Variants in CELF2 observed in about 807,000 individuals in gnomAD.
The protein encoded by CELF2 is CUG triplet repeat RNA-binding protein 2.
In CELF2, 8 loss-of-function variants were observed where a neutral mutation model predicts 62.6. The observed-to-expected ratio is 0.13, with a 90% CI of 0.07 to 0.23. The LOEUF (loss-of-function observed/expected upper bound fraction) is 0.23, where lower values mean the gene tolerates loss of function less well. Ranked by LOEUF, CELF2 falls within the 10% of genes least tolerant of loss-of-function variation. The pLI, the probability that CELF2 is intolerant of heterozygous loss-of-function variation, is 1.00. For missense variants in CELF2, 333 were observed against 671.0 expected (o/e 0.50, Z 5.56); for synonymous variants, 258 against 250.0 (o/e 1.03, Z -0.30).
chr10:10,558,031 T>C, the CELF2 span, among the ~76,000 whole-genome samples: 2 of 145,718 alleles, frequency 1.4e-5, no homozygotes, highest in Admixed American at 6.9e-5. Flanking sequence ...TTTATTTCCT[T>C]CTCCTGCCTA....
intron 2 of CELF2, among the ~76,000 whole-genome samples, chr10:11,204,911 G>T (rs190131635): frequency 2.0e-4 from 30 of 152,150 alleles, no homozygotes; most frequent in Non-Finnish European, 1.5e-4. Context: ...GGTTAAACTC[G>T]TATAGTAGTG....
intron 1 of CELF2, among the ~76,000 whole-genome samples, chr10:10,848,469 C>T (rs373544515): frequency 3.3e-5 from 5 of 152,096 alleles, no homozygotes; most frequent in Admixed American, 2.0e-4. Context: ...ACCAGAAGAC[C>T]GCTTCTTGGG....
Position 11,290,407 on chromosome 10 carries a change from C to T in CELF2, c.976+1855C>T, listed in dbSNP as rs1234182120. Among the ~76,000 whole-genome samples the T allele has an allele frequency of 1.3e-5, 2 of 151,902 alleles. No homozygotes were observed. Among genetic ancestry groups the T allele is most frequent in the Non-Finnish European group, 1.5e-5 (1 of 67,988 alleles). ...GCGGAGTGGGGGCTCTGTGGTGGAC[C>T]GCGTCCGTTCCAGCCCACGTTGGGA... On this transcript the variant is annotated intron_variant, in intron 9 of 12. Coordinates refer to ENST00000633077, the MANE Select transcript of CELF2 (RefSeq NM_001326342.2). This position sits in a 1 kb window ranked among gnomAD's most constrained non-coding sequence, Gnocchi z 4.3.
At chr10:10,686,105 G>T in the CELF2 span, among the ~76,000 whole-genome samples, 1 of 152,086 alleles carries the variant, frequency 6.6e-6, no homozygotes, top group East Asian at 1.9e-4. Context: ...CAACACGGTG[G>T]TAATAACGTG....
chr10:11,099,818 T>C (rs987219465), intron 1 of CELF2, among the ~76,000 whole-genome samples: 2 of 151,374 alleles, frequency 1.3e-5, no homozygotes, highest in African/African-American at 4.9e-5. Flanking sequence ...CTGAATTTAT[T>C]ATACATTACA....
the CELF2 span, among the ~76,000 whole-genome samples, chr10:10,665,019 T>C: frequency 1.3e-5 from 2 of 152,234 alleles, no homozygotes; most frequent in Non-Finnish European, 2.9e-5. Context: ...TGTTGCTCTT[T>C]GAGAATTTAA....
the CELF2 span, among the ~76,000 whole-genome samples, chr10:10,748,560 A>T: frequency 1.3e-5 from 2 of 152,026 alleles, no homozygotes; most frequent in East Asian, 3.9e-4. Context: ...CATCCTGGCT[A>T]GCACAGTGAA....
At chr10:10,817,066 G>C (rs905161428) in intron 1 of CELF2, among the ~76,000 whole-genome samples, 2 of 152,194 alleles carry the variant, frequency 1.3e-5, no homozygotes, top group African/African-American at 4.8e-5. Flanking sequence ...CCAACATGGC[G>C]GGCAGTGGAC....
At chr10:11,158,449 C>A (rs2065004592) in intron 1 of CELF2, among the ~76,000 whole-genome samples, 1 of 152,092 alleles carries the variant, frequency 6.6e-6, no homozygotes, top group Admixed American at 6.5e-5. Flanking sequence ...CTACCTCTCC[C>A]TGTGCAAACG....
intron 1 of CELF2, among the ~76,000 whole-genome samples, chr10:11,061,442 G>A (rs1374772871): frequency 6.6e-6 from 1 of 152,252 alleles, no homozygotes; most frequent in East Asian, 1.9e-4. Context: ...AGTACAAGGT[G>A]AAGCAGCAAG....
intron 2 of CELF2, among the ~76,000 whole-genome samples, chr10:10,930,901 G>A (rs979553230): frequency 2.0e-5 from 3 of 152,084 alleles, no homozygotes; most frequent in African/African-American, 7.2e-5. Flanking sequence ...TTCCTCTAAA[G>A]GGTTTCAGAT....
At chr10:10,955,533 G>A (rs761173324) in intron 2 of CELF2, among the ~76,000 whole-genome samples, 3 of 152,160 alleles carry the variant, frequency 2.0e-5, no homozygotes, top group Admixed American at 1.3e-4. Context: ...ACACATTCTC[G>A]ACGTATGAAC....
At chr10:10,752,765 T>A in the CELF2 span, among the ~76,000 whole-genome samples, 1 of 138,850 alleles carries the variant, frequency 7.2e-6, no homozygotes, top group Admixed American at 7.2e-5. Context: ...GGCAAAATAA[T>A]TTACTGGTAT....
the CELF2 span, among the ~76,000 whole-genome samples, chr10:10,683,465 A>G: frequency 6.6e-6 from 1 of 152,154 alleles, no homozygotes; most frequent in Non-Finnish European, 1.5e-5. Context: ...TTTTAATCCA[A>G]TTACCAGCCC....
chr10:11,323,454 T>TA (rs962671023), intron 11 of CELF2, among the ~76,000 whole-genome samples: 1 of 149,004 alleles, frequency 6.7e-6, no homozygotes, highest in Admixed American at 6.7e-5. Flanking sequence ...ATAATAATAA[T>TA]AATAATAATG....
chr10:10,905,701 C>A (rs964158309), intron 1 of CELF2, among the ~76,000 whole-genome samples: 1 of 151,858 alleles, frequency 6.6e-6, no homozygotes, highest in Non-Finnish European at 1.5e-5. Flanking sequence ...CACGGTGGAA[C>A]CCTGTCTCTA....
the CELF2 span, among the ~76,000 whole-genome samples, chr10:10,528,841 CT>C: frequency 3.9e-5 from 6 of 152,158 alleles, no homozygotes; most frequent in Non-Finnish European, 8.8e-5. Flanking sequence ...TCCTCTAAAA[CT>C]TTATCATTAT....
intron 1 of CELF2, among the ~76,000 whole-genome samples, chr10:11,054,515 G>GTGTATGTT (rs2064771931): frequency 7.0e-6 from 1 of 143,178 alleles, no homozygotes; most frequent in Admixed American, 6.9e-5. Context: ...GTGTGTGTGT[G>GTGTATGTT]TGTGTGTTAA....
At chr10:10,634,828 A>G in the CELF2 span, among the ~76,000 whole-genome samples, 1 of 151,882 alleles carries the variant, frequency 6.6e-6, no homozygotes, top group African/African-American at 2.4e-5. Flanking sequence ...TGCCTGGCTA[A>G]TCTTTTGTAT....
Sources: gnomAD v4.1 joint callset for allele counts (sites outside exome capture counted in the v4.1 genomes callset) on GRCh38, gnomAD v4.1.1 for gene constraint, Gnocchi (gnomAD v3.1) non-coding constraint, MANE v1.5 for transcripts, NCBI Gene and HGNC (gene_info 2026-07-23, HGNC 2026-07-21) for gene names.